The following TRMT11 variants were observed in gnomAD, a reference collection of about 807,000 sequenced individuals.
The protein encoded by TRMT11 is tRNA methyltransferase 11, also known as tRNA (guanine(10)-N(2))-methyltransferase TRMT11.
Under a neutral mutation model 62.8 loss-of-function variants are expected in TRMT11, and 53 were observed. That is an observed-to-expected ratio of 0.84 (90% confidence interval 0.68 to 1.06). TRMT11 has a LOEUF of 1.06. TRMT11 is among the 50% of genes least tolerant of loss of function. The probability of loss-of-function intolerance (pLI) is 0.00; values close to 1 mark genes in which losing one functional copy is unlikely to be tolerated. For missense variants in TRMT11, 556 were observed against 553.4 expected, an observed-to-expected ratio of 1.00 and a Z score of -0.05; for synonymous variants, 188 against 190.3, an observed-to-expected ratio of 0.99 and a Z score of 0.10.
the TRMT11 span, among the ~76,000 whole-genome samples, chr6:126,246,783 C>T: frequency 6.6e-6 from 1 of 152,198 alleles, no homozygotes; most frequent in East Asian, 1.9e-4. Context: ...TATTCTCCCT[C>T]CATAAATCCC....
chr6:126,057,759 G>C (rs139488126), intron 17 of TRMT11, among the ~76,000 whole-genome samples: 1 of 152,270 alleles, frequency 6.6e-6, no homozygotes, highest in East Asian at 1.9e-4. Context: ...CGGCGTCTGC[G>C]TGTGAGTTGG....
intron 17 of TRMT11, among the ~76,000 whole-genome samples, chr6:126,081,330 G>T (rs575250975): frequency 6.6e-6 from 1 of 152,148 alleles, no homozygotes; most frequent in East Asian, 1.9e-4. Context: ...TAGACTTCAC[G>T]CTCTTGAGTC....
At chr6:126,010,651 T>C (rs377529755) in intron 8 of TRMT11, among the ~76,000 whole-genome samples, 3 of 152,136 alleles carry the variant, frequency 2.0e-5, no homozygotes, top group Non-Finnish European at 2.9e-5. Flanking sequence ...TACATCAAGA[T>C]TGATATATCT....
At chr6:126,153,708 C>A (rs1255301241) in intron 21 of TRMT11, among the ~76,000 whole-genome samples, 1 of 152,206 alleles carries the variant, frequency 6.6e-6, no homozygotes, top group African/African-American at 2.4e-5. Context: ...ATAACCACAT[C>A]ACAGATAATA....
At chr6:126,247,535 T>C in the TRMT11 span, among the ~76,000 whole-genome samples, 1 of 146,874 alleles carries the variant, frequency 6.8e-6, no homozygotes, top group Non-Finnish European at 1.5e-5. Flanking sequence ...AATAAATATA[T>C]AAATATATAA....
At chr6:126,186,085 A>C (rs1778524317) in intron 1 of TRMT11, among the ~76,000 whole-genome samples, 1 of 152,174 alleles carries the variant, frequency 6.6e-6, no homozygotes, top group Non-Finnish European at 1.5e-5. Flanking sequence ...TCTGAAGAAA[A>C]TGCTTTATTT....
the TRMT11 span, among the ~76,000 whole-genome samples, chr6:126,215,034 T>C: frequency 4.6e-5 from 7 of 152,004 alleles, no homozygotes; most frequent in Non-Finnish European, 7.4e-5. Context: ...TTTTATTCCA[T>C]TGTGGCCAGA....
At chr6:126,032,885 G>C (rs759849504) in intron 12 of TRMT11, among the ~76,000 whole-genome samples, 78 of 152,102 alleles carry the variant, frequency 5.1e-4, no homozygotes, top group Non-Finnish European at 1.0e-3. Context: ...TCCATTTAAA[G>C]GAAGAGTAGG....
chr6:126,248,503 GA>G, the TRMT11 span, among the ~76,000 whole-genome samples: 1 of 150,134 alleles, frequency 6.7e-6, no homozygotes, highest in Non-Finnish European at 1.5e-5. Context: ...AAGATAACAA[GA>G]AAAAAAAACA....
At chr6:126,207,210 T>A (rs1483370989), downstream of TRMT11, among the ~76,000 whole-genome samples, 1 of 152,176 alleles carries the variant, frequency 6.6e-6, no homozygotes, top group Non-Finnish European at 1.5e-5. Context: ...GATGATTTAG[T>A]CCAGAGAAGG....
intron 17 of TRMT11, among the ~76,000 whole-genome samples, chr6:126,068,144 A>G (rs1033273857): frequency 2.0e-5 from 3 of 152,036 alleles, no homozygotes; most frequent in African/African-American, 7.2e-5. Flanking sequence ...TCATTTTTCT[A>G]TTGGATTGTC....
chr6:126,160,228 G>A lies in TRMT11; in HGVS notation c.*1824-14597G>A, dbSNP rs1330675. On this transcript the variant is annotated intron_variant and NMD_transcript_variant, in intron 21 of 22. Transcript: ENST00000648977. ...GAACTTTAAACATGTCTTTTTGGAG[G>A]TCACAATTCACCTCACAAAGTGATT... is the stretch of plus-strand genomic sequence containing the variant. 4.2e-3 allele frequency among the ~76,000 whole-genome samples: 632 copies of A among 152,162 alleles called. 5 individuals carry two copies. Among genetic ancestry groups the A allele is most frequent in the African/African-American group, 0.015 (606 of 41,536 alleles).
At chr6:126,042,282 G>A (rs756636499), downstream of TRMT11, among the ~76,000 whole-genome samples, 2 of 152,136 alleles carry the variant, frequency 1.3e-5, no homozygotes, top group Non-Finnish European at 2.9e-5. Context: ...TCTGCCTTAC[G>A]ATGTTCATAT....
At chr6:126,165,293 A>C (rs933669236) in intron 21 of TRMT11, among the ~76,000 whole-genome samples, 1 of 151,366 alleles carries the variant, frequency 6.6e-6, no homozygotes, top group East Asian at 1.9e-4. Context: ...AAAAAAAAAA[A>C]TTGCTATGTG....
At chr6:126,001,383 A>G (rs142109076) in intron 7 of TRMT11, among the ~76,000 whole-genome samples, 538 of 151,426 alleles carry the variant, frequency 3.6e-3, no homozygotes, top group Non-Finnish European at 6.4e-3. Flanking sequence ...TTTTTATCTA[A>G]TTTTTTCCTC....
chr6:126,151,834 C>CTTTCTTTCTTTCTTTCTTTCTTTCTTTG (rs1562334771), intron 21 of TRMT11, among the ~76,000 whole-genome samples: 22 of 121,262 alleles, frequency 1.8e-4, no homozygotes, highest in African/African-American at 7.3e-4. Flanking sequence ...TTCTTTCTTT[C>CTTTCTTTCTTTCTTTCTTTCTTTCTTTG]TTTCTTTCTT....
chr6:126,164,668 T>A (rs566025564), intron 21 of TRMT11, among the ~76,000 whole-genome samples: 12 of 152,340 alleles, frequency 7.9e-5, no homozygotes, highest in African/African-American at 2.4e-4. Flanking sequence ...CTGTATTGGG[T>A]GCATATATAT....
intron 17 of TRMT11, among the ~76,000 whole-genome samples, chr6:126,072,365 CT>C (rs1417455059): frequency 6.6e-6 from 1 of 152,128 alleles, no homozygotes; most frequent in Non-Finnish European, 1.5e-5. Flanking sequence ...TTGATATTTT[CT>C]TTCAACACTT....
At chr6:126,271,161 C>T in the TRMT11 span, among the ~76,000 whole-genome samples, 23 of 151,636 alleles carry the variant, frequency 1.5e-4, no homozygotes, top group Middle Eastern at 3.4e-3. Context: ...GCCAGGAGTT[C>T]GAGACCAGAC....
Sources: gnomAD v4.1 joint callset for allele counts (sites outside exome capture counted in the v4.1 genomes callset) on GRCh38, gnomAD v4.1.1 for gene constraint, MANE v1.5 for transcripts, NCBI Gene and HGNC (gene_info 2026-07-23, HGNC 2026-07-21) for gene names.